The following LRRC4C variants were observed in gnomAD, a reference collection of about 807,000 sequenced individuals.
The protein encoded by LRRC4C is leucine-rich repeat-containing protein 4C.
Under a neutral mutation model 33.6 loss-of-function variants are expected in LRRC4C, and 5 were observed. The ratio of observed to expected loss-of-function variants is 0.15; its 90% CI spans 0.08 to 0.31. The LOEUF (loss-of-function observed/expected upper bound fraction) is 0.31, where lower values mean the gene tolerates loss of function less well. LRRC4C is among the 10% of genes least tolerant of loss of function. The probability of loss-of-function intolerance (pLI) is 1.00; values close to 1 mark genes in which losing one functional copy is unlikely to be tolerated. For synonymous variants in LRRC4C, 329 were observed against 302.0 expected (o/e 1.09, Z -0.93); for missense variants, 560 against 796.7 (o/e 0.70, Z 3.58).
chr11:40,573,445 T>C (rs1958061731), intron 3 of LRRC4C, among the ~76,000 whole-genome samples: 2 of 152,198 alleles, frequency 1.3e-5, no homozygotes, highest in South Asian at 4.1e-4. Context: ...ACTTTGCATA[T>C]GTAATTCTTT....
intron 3 of LRRC4C, among the ~76,000 whole-genome samples, chr11:40,381,895 G>A (rs2137354218): frequency 6.6e-6 from 1 of 150,782 alleles, no homozygotes; most frequent in South Asian, 2.1e-4. Context: ...TGATTTTAGG[G>A]AGTAATAAAA....
intron 1 of LRRC4C, among the ~76,000 whole-genome samples, chr11:41,085,900 A>T (rs1288141711): frequency 6.8e-6 from 1 of 146,840 alleles, no homozygotes; most frequent in Non-Finnish European, 1.5e-5. Context: ...CTTGAAGGAA[A>T]GGGATTCATA....
At chr11:41,035,701 A>G (rs1395860747) in intron 1 of LRRC4C, among the ~76,000 whole-genome samples, 1 of 152,218 alleles carries the variant, frequency 6.6e-6, no homozygotes, top group Non-Finnish European at 1.5e-5. Flanking sequence ...GGAATAATAC[A>G]TTTTCTAAAC....
At chr11:40,759,649 G>A (rs1949109447) in intron 2 of LRRC4C, among the ~76,000 whole-genome samples, 1 of 151,942 alleles carries the variant, frequency 6.6e-6, no homozygotes, top group Non-Finnish European at 1.5e-5. Flanking sequence ...TGAAATTAGA[G>A]TGAGACGGTC....
chr11:40,472,381 A>G (rs868366995), intron 3 of LRRC4C, among the ~76,000 whole-genome samples: 1 of 151,272 alleles, frequency 6.6e-6, no homozygotes. Flanking sequence ...AATGAAATTA[A>G]GACAGAAATA....
chr11:41,423,918 C>G (rs1954953059), intron 1 of LRRC4C: 1 of 148,514 alleles, frequency 6.7e-6, no homozygotes, highest in Non-Finnish European at 1.5e-5. Context: ...TAGGAGGGAC[C>G]TGGTGGGAGG....
chr11:40,858,590 T>G (rs1953919113), intron 2 of LRRC4C, among the ~76,000 whole-genome samples: 1 of 147,950 alleles, frequency 6.8e-6, no homozygotes, highest in Admixed American at 6.9e-5. Context: ...GTTACTCTGG[T>G]GGCTGAGGCG....
At chr11:40,210,440 T>C (rs969375352) in intron 5 of LRRC4C, among the ~76,000 whole-genome samples, 17 of 152,220 alleles carry the variant, frequency 1.1e-4, no homozygotes, top group African/African-American at 4.1e-4. Context: ...GAGTAGGCAA[T>C]TATTAAATAA....
At chr11:40,433,706 C>T (rs1339400871) in intron 3 of LRRC4C, among the ~76,000 whole-genome samples, 1 of 151,980 alleles carries the variant, frequency 6.6e-6, no homozygotes, top group Admixed American at 6.6e-5. Flanking sequence ...ATATGTAAGT[C>T]GATGATATTT....
intron 2 of LRRC4C, among the ~76,000 whole-genome samples, chr11:40,685,091 T>C (rs982318546): frequency 2.6e-5 from 4 of 151,918 alleles, no homozygotes; most frequent in Non-Finnish European, 5.9e-5. Context: ...CTCAGAAAAA[T>C]TGTAACTAAA....
At chr11:40,195,182 A>AAATATTGTTG (rs773487862) in intron 5 of LRRC4C, among the ~76,000 whole-genome samples, 20 of 152,230 alleles carry the variant, frequency 1.3e-4, no homozygotes, top group Admixed American at 3.3e-4. Context: ...TATAAGGAGA[A>AAATATTGTTG]AATATTGTTG....
intron 1 of LRRC4C, among the ~76,000 whole-genome samples, chr11:41,005,553 G>A (rs552537380): frequency 3.9e-5 from 6 of 152,158 alleles, no homozygotes; most frequent in African/African-American, 1.4e-4. Context: ...GCAGTGAGCC[G>A]ATATCATGCC....
intron 5 of LRRC4C, among the ~76,000 whole-genome samples, chr11:40,227,194 A>T (rs1864863207): frequency 6.6e-6 from 1 of 152,212 alleles, no homozygotes; most frequent in African/African-American, 2.4e-5. Flanking sequence ...AATTGTTATG[A>T]TGGGAGTCTT....
At chr11:40,823,880 T>C (rs1424925184) in intron 2 of LRRC4C, among the ~76,000 whole-genome samples, 1 of 151,834 alleles carries the variant, frequency 6.6e-6, no homozygotes, top group Admixed American at 6.6e-5. Context: ...ATCTACACAA[T>C]GTTCATAGCA....
chr11:40,249,568 A>C (rs1866612547), intron 4 of LRRC4C, among the ~76,000 whole-genome samples: 2 of 149,608 alleles, frequency 1.3e-5, no homozygotes, highest in African/African-American at 4.9e-5. Context: ...TATATACTAC[A>C]TATAATCATA....
In LRRC4C at chr11:40,928,329, A is replaced by G. The variant is rs1592115746; in HGVS notation, c.-407+5306T>C. ...ACTTCCTGGTTTTTTAATGTATCACACAAAATAAAAACATATTGAAAATTA... is the reference window on the plus strand; with the variant it reads ...ACTTCCTGGTTTTTTAATGTATCACGCAAAATAAAAACATATTGAAAATTA... On this transcript the variant is annotated intron_variant, in intron 2 of 6. Transcript: ENST00000528697. Among the ~76,000 whole-genome samples, 5 of 151,608 alleles carry G rather than the reference A, an allele frequency of 3.3e-5. No homozygotes were observed. The East Asian group carries it at 9.7e-4, about 29-fold the overall frequency.
intron 1 of LRRC4C, among the ~76,000 whole-genome samples, chr11:41,438,079 A>AAAATAATT (rs1565673292): frequency 6.6e-6 from 1 of 151,470 alleles, no homozygotes; most frequent in East Asian, 1.9e-4. Flanking sequence ...ATAATAAAAA[A>AAAATAATT]AAATAATTAC....
chr11:40,659,159 A>G (rs1565608457), intron 2 of LRRC4C, among the ~76,000 whole-genome samples: 1 of 152,198 alleles, frequency 6.6e-6, no homozygotes, highest in Non-Finnish European at 1.5e-5. Context: ...ACTCCAGTGC[A>G]GAGCAAAGTT....
chr11:40,269,449 G>T (rs1942525589), intron 4 of LRRC4C, among the ~76,000 whole-genome samples: 1 of 152,038 alleles, frequency 6.6e-6, no homozygotes, highest in South Asian at 2.1e-4. Flanking sequence ...TTATGATGAG[G>T]AAAGCAATAT....
Sources: gnomAD v4.1 joint callset for allele counts (sites outside exome capture counted in the v4.1 genomes callset) on GRCh38, gnomAD v4.1.1 for gene constraint, MANE v1.5 for transcripts, NCBI Gene and HGNC (gene_info 2026-07-23, HGNC 2026-07-21) for gene names.